OSTN: variants seen among roughly 807,000 people sequenced by gnomAD.
OSTN encodes osteocrin.
In OSTN, 9 loss-of-function variants were observed where a neutral mutation model predicts 12.0. The ratio of observed to expected loss-of-function variants is 0.75; its 90% confidence interval spans 0.45 to 1.30. OSTN has a LOEUF of 1.30. Among genes scored for constraint, OSTN ranks in the 50% most tolerant of loss-of-function variants. The pLI, the probability that OSTN is intolerant of heterozygous loss-of-function variation, is 0.00. For missense variants in OSTN, 148 were observed against 152.3 expected, an observed-to-expected ratio of 0.97 and a Z score of 0.15; for synonymous variants, 59 against 56.9, an observed-to-expected ratio of 1.04 and a Z score of -0.16.
chr3:191,262,046 A>G (rs7641263), intron 4 of OSTN, among the ~76,000 whole-genome samples: 69,918 of 151,644 alleles, frequency 0.46, 17,060 homozygotes, highest in Non-Finnish European at 0.54. Context: ...GTGAAACCTC[A>G]TCTCTACTAA....
chr3:191,221,758 A>T lies in OSTN; in HGVS notation c.317+2797A>T, dbSNP rs548389279. 2.0e-5 allele frequency among the ~76,000 whole-genome samples: 3 copies of T among 152,370 alleles called. No individual in the cohort carries two copies. The East Asian group carries it at 5.8e-4, about 29-fold the overall frequency. On this transcript the variant is annotated intron_variant, in intron 3 of 4. Coordinates refer to ENST00000682035, the MANE Select transcript of OSTN (RefSeq NM_198184.2). Reference sequence around the variant, plus strand: ...CTGGGGAGAAATTTAATCCAGCAGCAGAAATGTACATGAATAACTAGAAGC... The same window carrying T: ...CTGGGGAGAAATTTAATCCAGCAGCTGAAATGTACATGAATAACTAGAAGC...
intron 3 of OSTN, among the ~76,000 whole-genome samples, chr3:191,248,176 G>A (rs1055760398): frequency 4.6e-5 from 7 of 151,808 alleles, no homozygotes; most frequent in African/African-American, 1.7e-4. Context: ...GTAATATCAG[G>A]AGCACCGATA....
intron 3 of OSTN, among the ~76,000 whole-genome samples, chr3:191,227,082 G>T (rs1008452216): frequency 2.0e-5 from 3 of 151,528 alleles, no homozygotes; most frequent in African/African-American, 7.3e-5. Context: ...AGAATAAACT[G>T]GAAAAAATGT....
chr3:191,250,981 C>T (rs1451349048), intron 4 of OSTN, among the ~76,000 whole-genome samples: 2 of 152,144 alleles, frequency 1.3e-5, no homozygotes, highest in African/African-American at 2.4e-5. Context: ...CCCAGGTCAT[C>T]TATCAATATT....
intron 2 of OSTN, among the ~76,000 whole-genome samples, chr3:191,217,374 G>A (rs1714641438): frequency 6.6e-6 from 1 of 151,706 alleles, no homozygotes; most frequent in South Asian, 2.1e-4. Context: ...GACAATAGAA[G>A]GAATAATCTT....
intron 3 of OSTN, among the ~76,000 whole-genome samples, chr3:191,239,596 A>G (rs1174003521): frequency 6.6e-6 from 1 of 152,248 alleles, no homozygotes; most frequent in Non-Finnish European, 1.5e-5. Flanking sequence ...CAGCACCTTC[A>G]TCATAAATTG....
intron 4 of OSTN, 102 bp downstream of exon 4, chr3:191,250,235 T>C: frequency 4.7e-6 from 4 of 852,412 alleles, no homozygotes; most frequent in Non-Finnish European, 7.6e-6. Flanking sequence ...CCTTTTGATT[T>C]CCTAGCTTAT....
chr3:191,245,198 C>A (rs1302173722), intron 3 of OSTN, among the ~76,000 whole-genome samples: 1 of 152,102 alleles, frequency 6.6e-6, no homozygotes, highest in African/African-American at 2.4e-5. Context: ...ACATGTGTTA[C>A]CTGATTACCA....
At position 191,200,817 on chromosome 3, in the gene OSTN, A is replaced by G. The variant is rs75804725; in HGVS notation, c.-1+1510A>G. The stretch of plus-strand genomic sequence containing the variant: ...CTGCTTTGCCAATATTTCATTTACT[A>G]TGACTGTTACCTACCAGACAACTTT... On this transcript the variant is annotated intron_variant, in intron 1 of 4. Transcript: ENST00000682035. 6.8e-3 allele frequency among the ~76,000 whole-genome samples: 1,040 copies of G among 152,294 alleles called. 7 individuals are homozygous for G. The highest frequency in any genetic ancestry group is 0.024 in the African/African-American group (1,007 of 41,564).
At chr3:191,204,972 A>T (rs1244405849) in intron 1 of OSTN, among the ~76,000 whole-genome samples, 1 of 152,224 alleles carries the variant, frequency 6.6e-6, no homozygotes, top group South Asian at 2.1e-4. Context: ...TTCAAATTAT[A>T]GTTTACAAAG....
At chr3:191,202,950 G>T (rs1330955245) in intron 1 of OSTN, among the ~76,000 whole-genome samples, 5 of 152,188 alleles carry the variant, frequency 3.3e-5, no homozygotes, top group African/African-American at 7.2e-5. Context: ...TTTAGGTACA[G>T]ATTAATGTAT....
intron 2 of OSTN, among the ~76,000 whole-genome samples, chr3:191,217,484 T>A (rs186565580): frequency 1.9e-3 from 289 of 152,218 alleles, no homozygotes; most frequent in African/African-American, 6.9e-3. Flanking sequence ...TCCCCAGAGC[T>A]AAAAAATTTT....
intron 3 of OSTN, among the ~76,000 whole-genome samples, chr3:191,237,652 T>C (rs748221633): frequency 1.3e-5 from 2 of 152,218 alleles, no homozygotes; most frequent in Non-Finnish European, 2.9e-5. Context: ...TTTGACCTCT[T>C]AAAGCGCATG....
rs181773263 is a variant in OSTN, at chr3:191,219,263, T to C, written c.317+302T>C. 1.9e-3 allele frequency among the ~76,000 whole-genome samples: 292 copies of C among 152,358 alleles called. 1 individual carries two copies. The highest frequency in any genetic ancestry group is 6.6e-3 in the African/African-American group (273 of 41,588). On this transcript the variant is annotated intron_variant, in intron 3 of 4. Coordinates refer to ENST00000682035, the MANE Select transcript of OSTN (RefSeq NM_198184.2). Reference sequence around the variant, plus strand: ...TGCATTTGGGAGGTGGCGCAAAATGTATGCTCAGTGGCATAAATGTTCTGG... The same window carrying C: ...TGCATTTGGGAGGTGGCGCAAAATGCATGCTCAGTGGCATAAATGTTCTGG...
At chr3:191,212,867 C>CTTTTTTTTTTTTTTTTTT (rs397991965) in intron 2 of OSTN, among the ~76,000 whole-genome samples, 3 of 93,080 alleles carry the variant, frequency 3.2e-5, no homozygotes, top group Admixed American at 1.5e-4. Flanking sequence ...TCTTTTCTTT[C>CTTTTTTTTTTTTTTTTTT]TTTTTTTTTT....
intron 1 of OSTN, among the ~76,000 whole-genome samples, chr3:191,203,296 A>G (rs1211234652): frequency 6.6e-6 from 1 of 152,218 alleles, no homozygotes; most frequent in East Asian, 1.9e-4. Flanking sequence ...GGTGAACATG[A>G]CATGGTCTCT....
chr3:191,203,840 T>C (rs1021790450), intron 1 of OSTN, among the ~76,000 whole-genome samples: 1 of 152,178 alleles, frequency 6.6e-6, no homozygotes, highest in Admixed American at 6.5e-5. Flanking sequence ...CTACTGCCAA[T>C]TGAAGAGCAC....
chr3:191,221,927 C>T (rs1410907997), intron 3 of OSTN, among the ~76,000 whole-genome samples: 1 of 152,172 alleles, frequency 6.6e-6, no homozygotes, highest in African/African-American at 2.4e-5. Context: ...CACTTGGTAA[C>T]CTGCTTCCCA....
intron 3 of OSTN, among the ~76,000 whole-genome samples, chr3:191,248,247 T>C (rs1715480232): frequency 6.6e-6 from 1 of 152,160 alleles, no homozygotes; most frequent in Non-Finnish European, 1.5e-5. Context: ...TTACGTTAAA[T>C]CATCATCAAT....
Sources: allele counts gnomAD v4.1 joint callset (sites outside exome capture counted in the v4.1 genomes callset), GRCh38; gene constraint gnomAD v4.1.1; transcripts MANE v1.5; gene names NCBI Gene and HGNC (gene_info 2026-07-23, HGNC 2026-07-21).